The following GSG1L variants were observed in gnomAD, a reference collection of about 807,000 sequenced individuals.
GSG1L encodes GSG1 like, also known as germ cell-specific gene 1-like protein.
GSG1L carries 24 observed loss-of-function variants against 42.1 expected under a neutral mutation model. The observed-to-expected ratio is 0.57, with a 90% CI of 0.41 to 0.80. GSG1L has a LOEUF of 0.80. GSG1L is among the 30% of genes least tolerant of loss of function. The probability of loss-of-function intolerance (pLI) is 0.00; values close to 1 mark genes in which losing one functional copy is unlikely to be tolerated. For missense variants in GSG1L, 445 were observed against 472.2 expected (o/e 0.94, Z 0.53); for synonymous variants, 215 against 203.5 (o/e 1.06, Z -0.48).
Position 27,787,640 on chromosome 16 carries a change from A to G in GSG1L, c.*3730T>C, listed in dbSNP as rs970783644. 1 of 152,240 alleles carries G rather than the reference A, an allele frequency of 6.6e-6. No individual in the cohort carries two copies. The highest frequency in any genetic ancestry group is 2.4e-5 in the African/African-American group (1 of 41,460). 9.4% of individuals were successfully genotyped at this position (152,240 alleles called of 1,614,324 possible). ...GCAGTAACGTCTGTGAAGTCATAGCACTGATGTGCCCACTGTACATTTTTT... is the reference window on the plus strand; with the variant it reads ...GCAGTAACGTCTGTGAAGTCATAGCGCTGATGTGCCCACTGTACATTTTTT... On this transcript the variant is annotated 3_prime_UTR_variant, in exon 7 of 7. Transcript: ENST00000447459.
intron 1 of GSG1L, among the ~76,000 whole-genome samples, chr16:27,997,856 CTTTTTTTTT>C (rs35354576): frequency 1.2e-5 from 1 of 85,102 alleles, no homozygotes; most frequent in Non-Finnish European, 2.2e-5. Context: ...ACCCTCTCCA[CTTTTTTTTT>C]TTTTTTTTTT....
At chr16:28,004,451 G>A (rs2085614921) in intron 1 of GSG1L, among the ~76,000 whole-genome samples, 1 of 148,494 alleles carries the variant, frequency 6.7e-6, no homozygotes, top group African/African-American at 2.5e-5. Flanking sequence ...AGCAGTGGGA[G>A]AGAGAAGGGG....
At chr16:27,949,972 G>T (rs1457371203) in intron 2 of GSG1L, among the ~76,000 whole-genome samples, 2 of 152,152 alleles carry the variant, frequency 1.3e-5, no homozygotes, top group African/African-American at 4.8e-5. Context: ...TGACAAAATA[G>T]TGTCCCAGAT....
rs1210115387 is a variant in GSG1L at position 27,967,838 on chromosome 16, G to A, written c.350-4635C>T. Among the ~76,000 whole-genome samples, 3 of 152,138 alleles carry A rather than the reference G, an allele frequency of 2.0e-5. No homozygotes were observed. The East Asian group carries it at 5.8e-4, about 29-fold the overall frequency. ...TGAGGCAGGAGAATCGCTTGAATAT[G>A]GTAGGTGGAGGTTGCAGTGAGCAGA... On this transcript the variant is annotated intron_variant, in intron 1 of 6. Transcript: ENST00000447459.
chr16:27,812,784 TA>T (rs2083047093), intron 5 of GSG1L, among the ~76,000 whole-genome samples: 1 of 79,016 alleles, frequency 1.3e-5, no homozygotes, highest in African/African-American at 5.3e-5. Context: ...TTTTAATTTT[TA>T]TTTATTTATT....
At chr16:28,020,169 CT>C (rs1435517292) in intron 1 of GSG1L, among the ~76,000 whole-genome samples, 1 of 152,186 alleles carries the variant, frequency 6.6e-6, no homozygotes. Context: ...AAAATCGGCC[CT>C]ACTGTCTTGC....
intron 1 of GSG1L, among the ~76,000 whole-genome samples, chr16:28,012,906 A>AC (rs1316542312): frequency 6.6e-6 from 1 of 151,226 alleles, no homozygotes; most frequent in Non-Finnish European, 1.5e-5. Flanking sequence ...AAAAAAAAAA[A>AC]AAAGTTACTT....
intron 1 of GSG1L, among the ~76,000 whole-genome samples, chr16:28,041,221 T>G (rs2086102190): frequency 6.6e-6 from 1 of 152,008 alleles, no homozygotes. Flanking sequence ...GAGGCTGAGG[T>G]AGGTGGATCC....
intron 6 of GSG1L, among the ~76,000 whole-genome samples, chr16:27,792,738 C>T (rs751665247): frequency 2.6e-5 from 4 of 152,128 alleles, no homozygotes; most frequent in African/African-American, 4.8e-5. Flanking sequence ...AATGTATGCA[C>T]CCCTGTGGAC....
intron 5 of GSG1L, among the ~76,000 whole-genome samples, chr16:27,819,585 C>T (rs538428612): frequency 3.9e-5 from 6 of 152,306 alleles, no homozygotes; most frequent in African/African-American, 1.4e-4. Context: ...AGGTGTCAGG[C>T]AGCACTCCAG....
intron 6 of GSG1L, among the ~76,000 whole-genome samples, chr16:27,802,332 A>G (rs545431861): frequency 6.6e-6 from 1 of 152,156 alleles, no homozygotes; most frequent in Non-Finnish European, 1.5e-5. Context: ...TCTCTCACGC[A>G]TGCCAGCATC....
At chr16:27,815,286 G>A (rs2083082304) in intron 5 of GSG1L, among the ~76,000 whole-genome samples, 1 of 152,116 alleles carries the variant, frequency 6.6e-6, no homozygotes. Context: ...GAGAGAGCTG[G>A]TTGTTTAAAG....
At chr16:28,002,480 G>A (rs1360978849) in intron 1 of GSG1L, among the ~76,000 whole-genome samples, 1 of 152,144 alleles carries the variant, frequency 6.6e-6, no homozygotes, top group Non-Finnish European at 1.5e-5. Context: ...AATTAGCCAA[G>A]CATGATGACA....
intron 1 of GSG1L, among the ~76,000 whole-genome samples, chr16:28,042,574 G>A (rs1384328561): frequency 6.6e-6 from 1 of 152,112 alleles, no homozygotes; most frequent in Non-Finnish European, 1.5e-5. Context: ...AAGGCGAGAA[G>A]TATCAAAGAG....
rs1195303225 is a variant in GSG1L at position 27,845,092 on chromosome 16, G to A, written c.551-31C>T. 3.4e-6 allele frequency: 5 copies of A among 1,454,028 alleles called. No homozygotes were observed. The African/African-American group carries it at 7.0e-5, about 20-fold the overall frequency. The allele number at this position is 1,454,028 out of a possible 1,614,324, so 90.1% of individuals were successfully genotyped here. The stretch of plus-strand genomic sequence containing the variant: ...GGGCAGAGAGCAGAGCAAAGCGTCA[G>A]GAAGTAAGGAAGGGCTTTGTCCCCA... On this transcript the variant is annotated intron_variant, in intron 3 of 6. Transcript: ENST00000447459.
chr16:27,884,688 G>A lies in GSG1L; in HGVS notation c.398-50C>T, dbSNP rs1449334984. On this transcript the variant is annotated intron_variant, in intron 2 of 6. Coordinates refer to ENST00000447459, the MANE Select transcript of GSG1L (RefSeq NM_001109763.2). The surrounding 1 kb of genome is among the most constrained non-coding windows in gnomAD (Gnocchi z 4.4). ...GTGAGATGAGGGGCCACCCAAGATA[G>A]ACTCACCCTGTGCCTATTCCTCCCA... is the stretch of plus-strand genomic sequence containing the variant. 3 of 1,527,244 alleles carry A rather than the reference G, an allele frequency of 2.0e-6. No homozygotes were observed. Among genetic ancestry groups the A allele is most frequent in the Non-Finnish European group, 1.8e-6 (2 of 1,128,684 alleles). The allele number at this position is 1,527,244 out of a possible 1,614,324, so 94.6% of individuals were successfully genotyped here.
chr16:27,795,445 C>T (rs1247102395), intron 6 of GSG1L, among the ~76,000 whole-genome samples: 1 of 152,150 alleles, frequency 6.6e-6, no homozygotes, highest in Non-Finnish European at 1.5e-5. Flanking sequence ...TGGCTTCTGA[C>T]AAGCAACTTC....
intron 3 of GSG1L, chr16:27,850,586 C>T (rs1299465301): frequency 6.6e-6 from 3 of 455,528 alleles, no homozygotes; most frequent in Non-Finnish European, 1.3e-5. Flanking sequence ...GGCAGAGTGG[C>T]CAGGGAGGCT....
Position 28,063,179 on chromosome 16 carries a change from AG to A in GSG1L, c.245del (p.Pro82LeufsTer111), listed in dbSNP as rs2086363415. ...AAATASGNGPPGGALYSWETG... is the reference protein window; with the variant it reads ...AAATASGNGPXGGALYSWETG... ...TCTCCCAGCTGTAGAGCGCGCCGCC[AG>A]GGGGGCCGTTCCCCGAGGCGGTGGC... On this transcript the variant is annotated frameshift_variant, in exon 1 of 7. Transcript: ENST00000447459. LOFTEE classifies it high-confidence loss of function. The surrounding 1 kb of genome is among the most constrained non-coding windows in gnomAD (Gnocchi z 5.8). 20 of 1,331,162 alleles carry A rather than the reference AG, an allele frequency of 1.5e-5. No homozygotes were observed. Among genetic ancestry groups the A allele is most frequent in the East Asian group, 6.7e-5 (2 of 29,816 alleles). The allele number at this position is 1,331,162 out of a possible 1,614,324, so 82.5% of individuals were successfully genotyped here. A position where few individuals can be genotyped will look rare whatever the true frequency, so the allele number is the denominator to read the frequency against.
Sources: allele counts gnomAD v4.1 joint callset (sites outside exome capture counted in the v4.1 genomes callset), GRCh38; gene constraint gnomAD v4.1.1; non-coding constraint Gnocchi (gnomAD v3.1); transcripts MANE v1.5; gene names NCBI Gene and HGNC (gene_info 2026-07-23, HGNC 2026-07-21).